CPNE5: variants seen among roughly 807,000 people sequenced by gnomAD.
CPNE5 encodes the protein copine-5.
Under a neutral mutation model 81.1 loss-of-function variants are expected in CPNE5, and 42 were observed. The observed-to-expected ratio is 0.52, with a 90% CI of 0.40 to 0.67. The LOEUF (loss-of-function observed/expected upper bound fraction) is 0.67. CPNE5 is among the 30% of genes least tolerant of loss of function. The pLI is 0.00. For missense variants in CPNE5, 612 were observed against 815.5 expected, an observed-to-expected ratio of 0.75 and a Z score of 3.04; for synonymous variants, 313 against 321.5, an observed-to-expected ratio of 0.97 and a Z score of 0.28.
At chr6:36,831,351 G>T (rs1022809891) in intron 1 of CPNE5, among the ~76,000 whole-genome samples, 1 of 148,384 alleles carries the variant, frequency 6.7e-6, no homozygotes, top group Non-Finnish European at 1.5e-5. Flanking sequence ...CACCGCACCC[G>T]GACTCTTTTT....
chr6:36,780,711 C>G (rs1022843200), intron 8 of CPNE5, among the ~76,000 whole-genome samples: 4 of 152,236 alleles, frequency 2.6e-5, no homozygotes, highest in African/African-American at 7.2e-5. Context: ...TCGGGGACAT[C>G]TGATGACAAC....
chr6:36,779,876 C>T (rs1165541169), intron 8 of CPNE5, among the ~76,000 whole-genome samples: 1 of 152,166 alleles, frequency 6.6e-6, no homozygotes, highest in African/African-American at 2.4e-5. Context: ...AAATCACCTT[C>T]GAGCCAGCTG....
intron 8 of CPNE5, 25 bp from the exon 9 acceptor site, chr6:36,778,982 G>T (rs762600653): frequency 1.1e-5 from 16 of 1,503,058 alleles, no homozygotes; most frequent in East Asian, 9.2e-5. Context: ...GGAGAACGGG[G>T]TGTGAGGCAG....
Position 36,800,020 on chromosome 6 carries a change from G to A in CPNE5, c.234C>T (p.Arg78=). The A allele has an allele frequency of 1.2e-6, 2 of 1,614,060 alleles. No individual in the cohort carries two copies. The highest frequency in any genetic ancestry group is 1.7e-6 in the Non-Finnish European group (2 of 1,179,990). The part of the protein sequence containing the change: ...IDNTLNPDFV[R]KFIVDYFFEE... ...CGAAAAAGTAATCCACAATGAACTT[G>A]CGCACGAAGTCAGGATTGAGCGTGT... The change falls in exon 4 of 21, where the codon CGC becomes CGT. Residue 78 remains arginine (R), a synonymous_variant. Coordinates refer to ENST00000244751, the MANE Select transcript of CPNE5 (RefSeq NM_020939.2).
intron 3 of CPNE5, among the ~76,000 whole-genome samples, chr6:36,806,137 G>A (rs567921601): frequency 1.3e-5 from 2 of 152,302 alleles, no homozygotes; most frequent in African/African-American, 4.8e-5. Context: ...TGCCCAGCCT[G>A]TAGGGGGCTC....
At chr6:36,793,303 A>G (rs1028726423) in intron 7 of CPNE5, among the ~76,000 whole-genome samples, 2 of 152,120 alleles carry the variant, frequency 1.3e-5, no homozygotes, top group Non-Finnish European at 2.9e-5. Context: ...AGGTGAGCAG[A>G]GCGGGGGCCA....
chr6:36,745,367 G>A (rs1379967275), intron 17 of CPNE5, 21 bp downstream of exon 17: 1 of 1,598,478 alleles, frequency 6.3e-7, no homozygotes, highest in Non-Finnish European at 8.5e-7. Flanking sequence ...AGTGCCTGGA[G>A]GCGGTGGCAG....
intron 7 of CPNE5, among the ~76,000 whole-genome samples, chr6:36,793,305 C>T (rs954637114): frequency 9.9e-5 from 15 of 152,130 alleles, no homozygotes; most frequent in African/African-American, 1.4e-4. Context: ...GTGAGCAGAG[C>T]GGGGGCCACA....
chr6:36,781,201 T>C (rs1768007344), intron 8 of CPNE5, among the ~76,000 whole-genome samples: 1 of 151,964 alleles, frequency 6.6e-6, no homozygotes, highest in Non-Finnish European at 1.5e-5. Context: ...TTATTATGCC[T>C]CTCATCATCG....
intron 9 of CPNE5, 28 bp from the exon 10 acceptor site, chr6:36,775,093 T>C (rs369119047): frequency 6.3e-7 from 1 of 1,583,418 alleles, no homozygotes; most frequent in African/African-American, 1.3e-5. Flanking sequence ...AGGGAAAGGC[T>C]GTCAGGCCCA....
intron 15 of CPNE5, 89 bp downstream of exon 15, chr6:36,748,132 G>A (rs1764388976): frequency 8.5e-7 from 1 of 1,182,766 alleles, no homozygotes; most frequent in Non-Finnish European, 1.3e-6. Flanking sequence ...CAGAGAGTAT[G>A]AGGGTCATGG....
At chr6:36,780,312 C>T (rs1767930322) in intron 8 of CPNE5, among the ~76,000 whole-genome samples, 1 of 152,112 alleles carries the variant, frequency 6.6e-6, no homozygotes, top group Non-Finnish European at 1.5e-5. Flanking sequence ...TGACCCACAG[C>T]CCAGTGAGGG....
intron 20 of CPNE5, chr6:36,743,310 G>A (rs573894877): frequency 2.4e-6 from 2 of 835,578 alleles, no homozygotes; most frequent in Admixed American, 6.2e-5. Context: ...TCAGTTAACC[G>A]AGCAATGCCT....
intron 11 of CPNE5, among the ~76,000 whole-genome samples, chr6:36,763,260 G>A (rs755039178): frequency 7.2e-5 from 11 of 152,180 alleles, no homozygotes; most frequent in Non-Finnish European, 1.5e-4. Flanking sequence ...AAGGGTATTT[G>A]GGGGACAACT....
chr6:36,798,147 A>G lies in CPNE5; in HGVS notation c.404+18T>C. On this transcript the variant is annotated intron_variant, in intron 6 of 20. Coordinates refer to ENST00000244751, the MANE Select transcript of CPNE5 (RefSeq NM_020939.2). ...CGGGAAGTTGGCCTACCACTGGGAA[A>G]GCAACCCAGACACTCACGTGAGGGG... 2 of 1,609,738 alleles carry G rather than the reference A, an allele frequency of 1.2e-6. No homozygotes were observed. The highest frequency in any genetic ancestry group is 1.7e-6 in the Non-Finnish European group (2 of 1,177,110).
chr6:36,797,959 G>A (rs1292917949), intron 6 of CPNE5, among the ~76,000 whole-genome samples: 1 of 151,958 alleles, frequency 6.6e-6, no homozygotes, highest in African/African-American at 2.4e-5. Flanking sequence ...CCAGGAGATG[G>A]GACTCTAATA....
At chr6:36,811,086 CG>C (rs778304487) in intron 3 of CPNE5, among the ~76,000 whole-genome samples, 23 of 152,304 alleles carry the variant, frequency 1.5e-4, no homozygotes, top group African/African-American at 2.6e-4. Context: ...CCTCGGGGAA[CG>C]GGGAACGACC....
In CPNE5 at chr6:36,741,264, G is replaced by A. The variant is rs1376444116; in HGVS notation, c.*1004C>T. Reference sequence around the variant, plus strand: ...GATGTCAGACCTAAAGGAAAACCTGGGGCCATCTGGTCAACCCTCTTGTGG... The same window carrying A: ...GATGTCAGACCTAAAGGAAAACCTGAGGCCATCTGGTCAACCCTCTTGTGG... On this transcript the variant is annotated 3_prime_UTR_variant, in exon 21 of 21. Transcript: ENST00000244751. 1 of 152,264 alleles carries A rather than the reference G, an allele frequency of 6.6e-6. No individual in the cohort carries two copies. Among genetic ancestry groups the A allele is most frequent in the African/African-American group, 2.4e-5 (1 of 41,430 alleles). The allele number at this position is 152,264 out of a possible 1,614,324, so 9.4% of individuals were successfully genotyped here.
At chr6:36,773,385 G>GCT (rs1450069245) in intron 10 of CPNE5, among the ~76,000 whole-genome samples, 1 of 152,202 alleles carries the variant, frequency 6.6e-6, no homozygotes, top group Non-Finnish European at 1.5e-5. Flanking sequence ...GGCCCCACTC[G>GCT]CTCTCTCGGC....
Sources: allele counts gnomAD v4.1 joint callset (sites outside exome capture counted in the v4.1 genomes callset), GRCh38; gene constraint gnomAD v4.1.1; transcripts MANE v1.5; gene names NCBI Gene and HGNC (gene_info 2026-07-23, HGNC 2026-07-21).